Variants in FAM110C observed in about 807,000 individuals in gnomAD.
The protein encoded by FAM110C is family with sequence similarity 110 member C.
In FAM110C, 19 loss-of-function variants were observed where a neutral mutation model predicts 15.7. The ratio of observed to expected loss-of-function variants is 1.21; its 90% confidence interval spans 0.85 to 1.78. FAM110C has a LOEUF of 1.78. Among genes scored for constraint, FAM110C ranks in the 40% most tolerant of loss-of-function variants. FAM110C has a pLI of 0.00. For synonymous variants in FAM110C, 275 were observed against 233.9 expected, an observed-to-expected ratio of 1.18 and a Z score of -1.61; for missense variants, 547 against 495.7, an observed-to-expected ratio of 1.10 and a Z score of -0.98.
chr2:43,176 T>C (rs1168552098), intron 1 of FAM110C: 2 of 985,306 alleles, frequency 2.0e-6, no homozygotes. Flanking sequence ...TGCATTGCAG[T>C]TTCAAAGAGG....
chr2:42,375 A>C (rs2103269883), intron 1 of FAM110C: 1 of 914,678 alleles, frequency 1.1e-6, no homozygotes, highest in African/African-American at 1.8e-5. Flanking sequence ...CCAAAGGACA[A>C]GTTATTTATG....
chr2:44,098 T>C, intron 1 of FAM110C: 3 of 985,432 alleles, frequency 3.0e-6, no homozygotes, highest in Non-Finnish European at 3.6e-6. Flanking sequence ...ATCATGGAAA[T>C]ACCCTTGCCA....
intron 1 of FAM110C, chr2:44,266 C>A (rs1384935956): frequency 1.0e-6 from 1 of 985,028 alleles, no homozygotes; most frequent in African/African-American, 1.7e-5. Flanking sequence ...AAGTCCTGAG[C>A]CTTCTGAGTT....
chr2:44,697 G>A, intron 1 of FAM110C: 3 of 985,338 alleles, frequency 3.0e-6, no homozygotes, highest in Non-Finnish European at 2.4e-6. Context: ...AGGTCAATCC[G>A]GCACTACTGG....
rs1223967136 is a variant in FAM110C at position 46,246 on chromosome 2, T to G, written c.140A>C (p.Tyr47Ser). The G allele has an allele frequency of 7.1e-7, 1 of 1,412,524 alleles. No homozygotes were observed. Among genetic ancestry groups the G allele is most frequent in the East Asian group, 3.1e-5 (1 of 32,616 alleles). The allele number at this position is 1,412,524 out of a possible 1,614,324, so 87.5% of individuals were successfully genotyped here. The change falls in exon 1 of 2, where the codon TAT becomes TCT. Residue 47 changes from tyrosine to serine, a missense_variant. By Grantham distance (144) the Tyr-to-Ser change is moderately radical. Coordinates refer to ENST00000327669, the MANE Select transcript of FAM110C (RefSeq NM_001077710.3). ...GCCAGTCCCCGGCCGACCCCGCACA[T>G]ACTTGGCGCGATCCGCCGCCAGCCT... ...VERLAADRAK[Y>S]VRGRPGTGRG...
Position 42,136 on chromosome 2 carries a change from C to T in FAM110C, c.947-509G>A, listed in dbSNP as rs146496738. 4.5e-4 allele frequency: 448 copies of T among 985,334 alleles called. 2 individuals are homozygous for T. The African/African-American group carries it at 7.2e-3, about 16-fold the overall frequency. 61.0% of individuals were successfully genotyped at this position (985,334 alleles called of 1,614,324 possible). A position where few individuals can be genotyped will look rare whatever the true frequency, so the allele number is the denominator to read the frequency against. ...TGTTTACCTAAAATGTGCTCCTAGT[C>T]GCATAGCTTCTCAGAATAGTCAAAG... On this transcript the variant is annotated intron_variant, in intron 1 of 1. Coordinates refer to ENST00000327669, the MANE Select transcript of FAM110C (RefSeq NM_001077710.3).
rs1282436357 is a variant in FAM110C at position 39,917 on chromosome 2, G to A, written c.*1691C>T. 6.6e-6 allele frequency: 1 copy of A among 152,186 alleles called. No individual in the cohort carries two copies. Among genetic ancestry groups the A allele is most frequent in the East Asian group, 1.9e-4 (1 of 5,198 alleles). 9.4% of individuals were successfully genotyped at this position (152,186 alleles called of 1,614,324 possible). ...TCTTTTTAACTAAGTGCAATACAGTGAACAGCAAAATAGCAGCATTTTTAG... is the reference window on the plus strand; with the variant it reads ...TCTTTTTAACTAAGTGCAATACAGTAAACAGCAAAATAGCAGCATTTTTAG... On this transcript the variant is annotated 3_prime_UTR_variant, in exon 2 of 2. Coordinates refer to ENST00000327669, the MANE Select transcript of FAM110C (RefSeq NM_001077710.3).
In FAM110C at chr2:45,943, T is replaced by A; in HGVS notation, c.443A>T (p.Asn148Ile). 7.0e-7 allele frequency: 1 copy of A among 1,424,038 alleles called. No homozygotes were observed. Among genetic ancestry groups the A allele is most frequent in the Non-Finnish European group, 9.1e-7 (1 of 1,098,402 alleles). 88.2% of individuals were successfully genotyped at this position (1,424,038 alleles called of 1,614,324 possible). A position where few individuals can be genotyped will look rare whatever the true frequency, so the allele number is the denominator to read the frequency against. The change falls in exon 1 of 2, where the codon AAC becomes ATC. Residue 148 changes from asparagine (N) to isoleucine (I), a missense_variant. Transcript: ENST00000327669. ...PRTGDEGKAGNPETVPTTPGP... is the reference protein window; with the variant it reads ...PRTGDEGKAGIPETVPTTPGP... ...AGGAGTGGTCGGGACCGTCTCCGGGTTCCCGGCCTTGCCCTCGTCTCCCGT... is the reference window on the plus strand; with the variant it reads ...AGGAGTGGTCGGGACCGTCTCCGGGATCCCGGCCTTGCCCTCGTCTCCCGT...
At chr2:41,861 T>C in intron 1 of FAM110C, 2 of 985,410 alleles carry the variant, frequency 2.0e-6, no homozygotes, top group Non-Finnish European at 2.4e-6. Flanking sequence ...TGCAGGCCTT[T>C]TTCTGCGCTT....
At chr2:44,016 G>A in intron 1 of FAM110C, 1 of 985,290 alleles carries the variant, frequency 1.0e-6, no homozygotes, top group Non-Finnish European at 1.2e-6. Context: ...CTGGTTTAGT[G>A]CTCTATCCAC....
At chr2:43,010 T>G in intron 1 of FAM110C, 1 of 985,484 alleles carries the variant, frequency 1.0e-6, no homozygotes, top group Non-Finnish European at 1.2e-6. Context: ...TGGCTTTCCC[T>G]GCTGGTCTCC....
Position 45,787 on chromosome 2 carries a change from G to T in FAM110C, c.599C>A (p.Ser200Ter). 2 of 1,561,130 alleles carry T rather than the reference G, an allele frequency of 1.3e-6. No homozygotes were observed. The highest frequency in any genetic ancestry group is 1.7e-6 in the Non-Finnish European group (2 of 1,156,356). ...ATAGCGGGAGCTGAGGTCCGACTGT[G>T]AGCGCTGCAGCCCCCGACGCCTCAC... ...RVVRRRGLQR[S>*]QSDLSSRYSA... Residue 200 changes from serine to a stop codon, truncating the protein, a stop_gained, in exon 1 of 2, where the codon TCA (serine) becomes TAA (stop). Coordinates refer to ENST00000327669, the MANE Select transcript of FAM110C (RefSeq NM_001077710.3). LOFTEE classifies it high-confidence loss of function.
chr2:45,401 C>T, intron 1 of FAM110C, 39 bp downstream of exon 1: 1 of 1,569,710 alleles, frequency 6.4e-7, no homozygotes, highest in Non-Finnish European at 8.6e-7. Flanking sequence ...CACAGCCCCG[C>T]ACACGGCCAG....
rs143549356 is a variant in FAM110C at position 42,253 on chromosome 2, C to T, written c.947-626G>A. ...AACTCTGTTCCAGGAGCTTTCGATG[C>T]GCTTCTACAGGTATTTCTTTTTTCT... On this transcript the variant is annotated intron_variant, in intron 1 of 1. Coordinates refer to ENST00000327669, the MANE Select transcript of FAM110C (RefSeq NM_001077710.3). 5.8e-4 allele frequency: 569 copies of T among 985,306 alleles called. 4 individuals carry two copies. The African/African-American group carries it at 8.2e-3, about 14-fold the overall frequency. 61.0% of individuals were successfully genotyped at this position (985,306 alleles called of 1,614,324 possible).
chr2:41,309 C>T lies in FAM110C; in HGVS notation c.*299G>A, dbSNP rs1179151581. The T allele has an allele frequency of 2.7e-6, 1 of 369,096 alleles. No homozygotes were observed. Among genetic ancestry groups the T allele is most frequent in the African/African-American group, 2.1e-5 (1 of 47,724 alleles). The allele number at this position is 369,096 out of a possible 1,614,324, so 22.9% of individuals were successfully genotyped here. ...ATGCATCACAGTACCTCTTTGTCAG[C>T]AAGTCAGTCAAAAAGATTTCCAAAC... On this transcript the variant is annotated 3_prime_UTR_variant, in exon 2 of 2. Coordinates refer to ENST00000327669, the MANE Select transcript of FAM110C (RefSeq NM_001077710.3).
chr2:41,611 T>A lies in FAM110C; in HGVS notation c.963A>T (p.Arg321=). 2 of 1,613,768 alleles carry A rather than the reference T, an allele frequency of 1.2e-6. No homozygotes were observed. Among genetic ancestry groups the A allele is most frequent in the Non-Finnish European group, 1.7e-6 (2 of 1,179,890 alleles). Residue 321 remains arginine, a synonymous_variant, in exon 2 of 2, where the codon CGA becomes CGT. Transcript: ENST00000327669. ...QSRTRGSKPS[R] is the part of the protein sequence containing the mutation. ...GAAATCCTTCAAGAAGTCTTCATCA[T>A]CGGGAAGGTTTGCTTCCTGAGGAGT...
At position 46,240 on chromosome 2, in the gene FAM110C, C is replaced by G; in HGVS notation, c.146G>C (p.Arg49Pro). The G allele has an allele frequency of 2.1e-6, 3 of 1,414,384 alleles. No individual in the cohort carries two copies. In the South Asian group the frequency reaches 4.4e-5, roughly 21 times the overall value. The allele number at this position is 1,414,384 out of a possible 1,614,324, so 87.6% of individuals were successfully genotyped here. A position where few individuals can be genotyped will look rare whatever the true frequency, so the allele number is the denominator to read the frequency against. Residue 49 changes from arginine to proline, a missense_variant, in exon 1 of 2, where the codon CGG (arginine) becomes CCG (proline). By Grantham distance (103) the Arg-to-Pro change is moderately radical. Transcript: ENST00000327669. The part of the protein sequence containing the change: ...RLAADRAKYV[R>P]GRPGTGRGVA... ...GCCCCGGCCAGTCCCCGGCCGACCCCGCACATACTTGGCGCGATCCGCCGC... is the reference window on the plus strand; with the variant it reads ...GCCCCGGCCAGTCCCCGGCCGACCCGGCACATACTTGGCGCGATCCGCCGC...
At chr2:41,704 C>T (rs1664130259) in intron 1 of FAM110C, 77 bp from the exon 2 acceptor site, 2 of 1,532,530 alleles carry the variant, frequency 1.3e-6, no homozygotes, top group Non-Finnish European at 1.8e-6. Context: ...AAACATTATA[C>T]TGGTCTGGTC....
chr2:45,601 C>T lies in FAM110C; in HGVS notation c.785G>A (p.Arg262Gln), dbSNP rs778064459. Residue 262 changes from arginine to glutamine, a missense_variant, in exon 1 of 2, where the codon CGG becomes CAG. Physicochemically the swap from Arg to Gln is conservative, Grantham distance 43. Transcript: ENST00000327669. Reference sequence around the variant, plus strand: ...CCCCTCGTCGTCGCCGCCGCTGTGCCGGGAGAAGCCGCTGCCGGAGGTGGC... The same window carrying T: ...CCCCTCGTCGTCGCCGCCGCTGTGCTGGGAGAAGCCGCTGCCGGAGGTGGC... ...SVATSGSGFS[R>Q]HSGGDDEGLQ... 2 of 1,611,806 alleles carry T rather than the reference C, an allele frequency of 1.2e-6. No individual in the cohort carries two copies. Among genetic ancestry groups the T allele is most frequent in the Admixed American group, 3.3e-5 (2 of 59,978 alleles).
Sources: gnomAD v4.1 joint callset for allele counts on GRCh38, gnomAD v4.1.1 for gene constraint, MANE v1.5 for transcripts, NCBI Gene and HGNC (gene_info 2026-07-23, HGNC 2026-07-21) for gene names.